TUBGCP6: variants seen among roughly 807,000 people sequenced by gnomAD.
TUBGCP6 encodes tubulin gamma complex component 6, also known as gamma-tubulin complex component 6.
In TUBGCP6, 161 loss-of-function variants were observed where a neutral mutation model predicts 175.8. The ratio of observed to expected loss-of-function variants is 0.92; its 90% CI spans 0.81 to 1.04. TUBGCP6 has a LOEUF of 1.04. Ranked by LOEUF, TUBGCP6 falls within the 50% of genes least tolerant of loss-of-function variation. The probability of loss-of-function intolerance (pLI) is 0.00; values close to 1 mark genes in which losing one functional copy is unlikely to be tolerated. For missense variants in TUBGCP6, 2,572 were observed against 2,433.0 expected (o/e 1.06, Z -1.20); for synonymous variants, 1,173 against 1,030.5 (o/e 1.14, Z -2.65).
At chr22:50,232,753 A>T (rs1425971025) in intron 3 of TUBGCP6, among the ~76,000 whole-genome samples, 1 of 152,230 alleles carries the variant, frequency 6.6e-6, no homozygotes, top group African/African-American at 2.4e-5. Context: ...TGGCCACCAT[A>T]AAAGAACATT....
Position 50,245,004 on chromosome 22 carries a change from C to G in TUBGCP6, c.-545G>C, listed in dbSNP as rs2064903458. On this transcript the variant is annotated 5_prime_UTR_variant, in exon 1 of 25. Transcript: ENST00000248846. The stretch of plus-strand genomic sequence containing the variant: ...GCTGCCGCTCTCGCCGCCTCCGTCG[C>G]GTCACAGCCGCGCCAGTGTGAAGAG... The G allele has an allele frequency of 4.3e-6, 1 of 230,450 alleles. No individual in the cohort carries two copies. The highest frequency in any genetic ancestry group is 2.4e-5 in the African/African-American group (1 of 42,104). 14.3% of individuals were successfully genotyped at this position (230,450 alleles called of 1,614,324 possible). A position where few individuals can be genotyped will look rare whatever the true frequency, so the allele number is the denominator to read the frequency against.
At position 50,222,508 on chromosome 22, in the gene TUBGCP6, G is replaced by A; in HGVS notation, c.2355C>T (p.His785=). The A allele has an allele frequency of 1.2e-6, 2 of 1,613,818 alleles. No homozygotes were observed. Among genetic ancestry groups the A allele is most frequent in the Non-Finnish European group, 1.7e-6 (2 of 1,180,036 alleles). Residue 785 remains histidine (H), a synonymous_variant, in exon 14 of 25, where the codon CAC becomes CAT. Coordinates refer to ENST00000248846, the MANE Select transcript of TUBGCP6 (RefSeq NM_020461.4). The part of the protein sequence containing the change: ...EQKALWRIQR[H]RLESARLRFL... ...AACGAAGCCGTGCACTCTCCAGTCG[G>A]TGCCTCTGGATTCTCCACAGTGCCT...
rs1328201817 is a variant in TUBGCP6 at position 50,224,259 on chromosome 22, A to G, written c.2155-3T>C. Reference sequence around the variant, plus strand: ...TCCTGCCTGGCCGCCTGGCGTCGCTATAAAACACATAGAGCCTGGCCTGTG... The same window carrying G: ...TCCTGCCTGGCCGCCTGGCGTCGCTGTAAAACACATAGAGCCTGGCCTGTG... On this transcript the variant is annotated splice_region_variant and splice_polypyrimidine_tract_variant and intron_variant, in intron 12 of 24. Coordinates refer to ENST00000248846, the MANE Select transcript of TUBGCP6 (RefSeq NM_020461.4). 2.5e-6 allele frequency: 4 copies of G among 1,614,068 alleles called. No individual in the cohort carries two copies. The African/African-American group carries it at 5.3e-5, about 22-fold the overall frequency.
At chr22:50,229,378 T>G (rs200321359) in intron 4 of TUBGCP6, 26 bp downstream of exon 4, 2 of 1,608,532 alleles carry the variant, frequency 1.2e-6, no homozygotes, top group African/African-American at 1.3e-5. Flanking sequence ...CAAAGGTGTG[T>G]GACAACCATG....
chr22:50,242,752 C>T (rs2064855774), intron 1 of TUBGCP6, among the ~76,000 whole-genome samples: 2 of 152,244 alleles, frequency 1.3e-5, no homozygotes, highest in African/African-American at 4.8e-5. Flanking sequence ...CACGTGGCTA[C>T]TGAGCACTTG....
chr22:50,240,167 A>G (rs1328875760), intron 2 of TUBGCP6, 37 bp downstream of exon 2: 3 of 1,611,694 alleles, frequency 1.9e-6, no homozygotes, highest in Non-Finnish European at 2.5e-6. Context: ...ATGCAGGGGT[A>G]GGGGCACTGC....
In TUBGCP6 at chr22:50,229,544, G is replaced by A. The variant is rs1331199565; in HGVS notation, c.1150C>T (p.His384Tyr). ...CTCTCGGGAGACGCTCCTGACACGT[G>A]GACGCCCCGCTTCACCACAAAGGCC... ...AQAFVVKRGV[H>Y]VSGASPESIS... is the part of the protein sequence containing the mutation. The change falls in exon 4 of 25, where the codon CAC becomes TAC. Residue 384 changes from histidine (H) to tyrosine (Y), a missense_variant. By Grantham distance (83) the His-to-Tyr change is moderately conservative (BLOSUM62 2). Coordinates refer to ENST00000248846, the MANE Select transcript of TUBGCP6 (RefSeq NM_020461.4). 1 of 1,601,022 alleles carries A rather than the reference G, an allele frequency of 6.2e-7. No individual in the cohort carries two copies. The highest frequency in any genetic ancestry group is 1.3e-5 in the African/African-American group (1 of 74,684).
In TUBGCP6 at chr22:50,219,727, G is replaced by A; in HGVS notation, c.4232C>T (p.Ala1411Val). The change falls in exon 18 of 25, where the codon GCT becomes GTT. Residue 1411 changes from alanine to valine, a missense_variant. Ala to Val is a moderately conservative substitution (Grantham distance 64). Coordinates refer to ENST00000248846, the MANE Select transcript of TUBGCP6 (RefSeq NM_020461.4). ...GEEAEASAAE[A>V]QGGEQAYLAG... ...CAGGTAGGCCTGCTCCCCACCCTGA[G>A]CCTCCGCCGCCGATGCCTCCGCCTC... 6.2e-7 allele frequency: 1 copy of A among 1,613,696 alleles called. No individual in the cohort carries two copies. The highest frequency in any genetic ancestry group is 1.3e-5 in the African/African-American group (1 of 75,072).
At chr22:50,234,590 C>A in intron 2 of TUBGCP6, among the ~76,000 whole-genome samples, 1 of 139,282 alleles carries the variant, frequency 7.2e-6, no homozygotes. Flanking sequence ...CCCCCGTCCA[C>A]GGCAGCATCA....
rs2064532476 is a variant in TUBGCP6 at position 50,221,968 on chromosome 22, C to T, written c.2484+60G>A. ...TTCAGCTCTGCAGCCATGACCAACA[C>T]CAGGTGCCGAGGGCTATGGGAAAAC... On this transcript the variant is annotated intron_variant, in intron 15 of 24. Transcript: ENST00000248846. The T allele has an allele frequency of 5.0e-6, 8 of 1,603,834 alleles. No homozygotes were observed. The South Asian group carries it at 7.8e-5, about 16-fold the overall frequency.
Position 50,224,433 on chromosome 22 carries a change from A to G in TUBGCP6, c.2066-13T>C, listed in dbSNP as rs751862763. 26 of 1,614,060 alleles carry G rather than the reference A, an allele frequency of 1.6e-5. No individual in the cohort carries two copies. The highest frequency in any genetic ancestry group is 2.2e-5 in the Non-Finnish European group (26 of 1,180,040). ...GACATCTGCCGGTCTACATTGGGAC[A>G]GTAAGGGGCGCACTGTCACAAGGAG... On this transcript the variant is annotated splice_polypyrimidine_tract_variant and intron_variant, in intron 11 of 24. Coordinates refer to ENST00000248846, the MANE Select transcript of TUBGCP6 (RefSeq NM_020461.4).
chr22:50,227,021 C>T lies in TUBGCP6; in HGVS notation c.1469G>A (p.Gly490Asp), dbSNP rs774642339. ...CACGGTGGGAAACGCGGCCCTGGGG[C>T]CTCCTCCACAGGTGCCCGGGAGCAC... ...GAVLPGTCGG[G>D]PRAAFPTGVK... The change falls in exon 6 of 25, where the codon GGC (glycine) becomes GAC (aspartate). Residue 490 changes from glycine (G) to aspartate (D), a missense_variant. Coordinates refer to ENST00000248846, the MANE Select transcript of TUBGCP6 (RefSeq NM_020461.4). 6.2e-7 allele frequency: 1 copy of T among 1,612,350 alleles called. No homozygotes were observed. Among genetic ancestry groups the T allele is most frequent in the Non-Finnish European group, 8.5e-7 (1 of 1,179,578 alleles).
At chr22:50,231,540 A>G (rs980794578) in intron 3 of TUBGCP6, among the ~76,000 whole-genome samples, 4 of 152,080 alleles carry the variant, frequency 2.6e-5, no homozygotes, top group Admixed American at 6.6e-5. Flanking sequence ...CAAAATTGAC[A>G]AGTCTTAGCT....
chr22:50,241,594 G>A (rs1007463676), intron 1 of TUBGCP6, among the ~76,000 whole-genome samples: 1 of 152,194 alleles, frequency 6.6e-6, no homozygotes, highest in Non-Finnish European at 1.5e-5. Flanking sequence ...CTGCCTTCTA[G>A]ATAGCAGTAG....
In TUBGCP6 at chr22:50,219,979, GGA is replaced by G. The variant is rs758638626; in HGVS notation, c.4143_4144del (p.Pro1382LysfsTer20). The G allele has an allele frequency of 6.2e-6, 10 of 1,614,038 alleles. No individual in the cohort carries two copies. The highest frequency in any genetic ancestry group is 1.1e-5 in the South Asian group (1 of 91,048). On this transcript the variant is annotated frameshift_variant, in exon 17 of 25. Transcript: ENST00000248846. LOFTEE classifies it high-confidence loss of function. ...AACCTGTGAGTTGAGAGGCCAATTT[GGA>G]GAGAGGTCCTCAGTGTCCCCGCTCC...
chr22:50,233,360 T>A lies in TUBGCP6; in HGVS notation c.1072A>T (p.Asn358Tyr), dbSNP rs929964039. ...GCAGACACGACCCCAATCAAGACGT[T>A]CAGCACGTCTTTCACCAGCTCGCAC... ...KECELVKDVL[N>Y]VLIGVVSATF... The change falls in exon 3 of 25, where the codon AAC becomes TAC. Residue 358 changes from asparagine (N) to tyrosine (Y), a missense_variant. Asn to Tyr is a moderately radical substitution (Grantham distance 143). Coordinates refer to ENST00000248846, the MANE Select transcript of TUBGCP6 (RefSeq NM_020461.4). 1 of 1,613,988 alleles carries A rather than the reference T, an allele frequency of 6.2e-7. No homozygotes were observed. The highest frequency in any genetic ancestry group is 1.1e-5 in the South Asian group (1 of 91,084).
intron 2 of TUBGCP6, 180 bp downstream of exon 2, chr22:50,240,024 T>C: frequency 1.2e-6 from 1 of 817,564 alleles, no homozygotes; most frequent in Non-Finnish European, 1.9e-6. Context: ...TGTTAGTGCT[T>C]TCCCCTCTGC....
rs1247317171 is a variant in TUBGCP6, at chr22:50,244,388, G to C, written c.72C>G (p.Gly24=). ...CCCTCTTCCGGTTCACACTGCGCTG[G>C]CCCAGGTGAGTCTTGGCAGCCGGCA... ...ALLPAAKTHL[G]QRSVNRKRAK... The change falls in exon 1 of 25, where the codon GGC becomes GGG. Residue 24 remains glycine, a synonymous_variant. Transcript: ENST00000248846. 4.3e-6 allele frequency: 7 copies of C among 1,613,178 alleles called. No homozygotes were observed. Among genetic ancestry groups the C allele is most frequent in the Non-Finnish European group, 5.9e-6 (7 of 1,180,038 alleles).
chr22:50,244,694 C>G lies in TUBGCP6; in HGVS notation c.-235G>C, dbSNP rs1175788545. 1.7e-6 allele frequency: 1 copy of G among 576,456 alleles called. No homozygotes were observed. The highest frequency in any genetic ancestry group is 2.9e-6 in the Non-Finnish European group (1 of 340,530). The allele number at this position is 576,456 out of a possible 1,614,324, so 35.7% of individuals were successfully genotyped here. Reference sequence around the variant, plus strand: ...GCACGCTGCCCGGCGCCCGGCAGCCCACCAGAAGCCAGCTCGGCGTTTCTT... The same window carrying G: ...GCACGCTGCCCGGCGCCCGGCAGCCGACCAGAAGCCAGCTCGGCGTTTCTT... On this transcript the variant is annotated 5_prime_UTR_variant, in exon 1 of 25. Transcript: ENST00000248846.
Sources: gnomAD v4.1 joint callset for allele counts (sites outside exome capture counted in the v4.1 genomes callset) on GRCh38, gnomAD v4.1.1 for gene constraint, MANE v1.5 for transcripts, NCBI Gene and HGNC (gene_info 2026-07-23, HGNC 2026-07-21) for gene names.